Variants in SLC12A1 observed in about 807,000 individuals in gnomAD.
The protein encoded by SLC12A1 is Na-K-2Cl cotransporter.
Under a neutral mutation model 130.4 loss-of-function variants are expected in SLC12A1, and 89 were observed. The observed-to-expected ratio is 0.68, with a 90% CI of 0.58 to 0.81. The LOEUF is 0.81. Ranked by LOEUF, SLC12A1 falls within the 40% of genes least tolerant of loss-of-function variation. The pLI is 0.00. For synonymous variants in SLC12A1, 499 were observed against 460.0 expected, an observed-to-expected ratio of 1.08 and a Z score of -1.09; for missense variants, 1,310 against 1,336.4, an observed-to-expected ratio of 0.98 and a Z score of 0.31.
At chr15:48,241,015 G>A (rs1265351490) in intron 9 of SLC12A1, among the ~76,000 whole-genome samples, 2 of 151,970 alleles carry the variant, frequency 1.3e-5, no homozygotes, top group Non-Finnish European at 2.9e-5. Context: ...TTTCAAATAG[G>A]GGATTTAAGG....
At chr15:48,260,733 A>G (rs778969011) in intron 17 of SLC12A1, among the ~76,000 whole-genome samples, 13 of 152,132 alleles carry the variant, frequency 8.5e-5, no homozygotes, top group Admixed American at 7.9e-4. Context: ...TAAATCTCCA[A>G]TACCTGCCAA....
chr15:48,237,158 G>A, intron 9 of SLC12A1: 1 of 633,256 alleles, frequency 1.6e-6, no homozygotes, highest in South Asian at 1.9e-5. Context: ...TTCAGAAGAG[G>A]GGACACTCAA....
intron 14 of SLC12A1, among the ~76,000 whole-genome samples, chr15:48,250,239 T>C (rs2041631122): frequency 6.6e-6 from 1 of 152,220 alleles, no homozygotes; most frequent in South Asian, 2.1e-4. Context: ...GCTTTCATTG[T>C]CCACTACAGT....
chr15:48,254,849 G>A (rs2041688042), intron 15 of SLC12A1, among the ~76,000 whole-genome samples: 2 of 151,940 alleles, frequency 1.3e-5, no homozygotes, highest in South Asian at 4.2e-4. Context: ...GCGTGAACCC[G>A]GGATGTGGAG....
intron 5 of SLC12A1, chr15:48,226,808 C>T (rs1166771878): frequency 3.4e-6 from 2 of 591,964 alleles, no homozygotes; most frequent in Non-Finnish European, 5.9e-6. Flanking sequence ...CAGATGTGCA[C>T]CTTCCTTAGG....
At chr15:48,211,398 C>A (rs1423012679) in intron 2 of SLC12A1, among the ~76,000 whole-genome samples, 1 of 152,248 alleles carries the variant, frequency 6.6e-6, no homozygotes, top group Non-Finnish European at 1.5e-5. Context: ...GAAGTGAAAA[C>A]CTGCAATGTG....
chr15:48,230,567 T>TTCCCTCTACTCCTGCA, intron 7 of SLC12A1, 64 bp downstream of exon 7: 1 of 962,432 alleles, frequency 1.0e-6, no homozygotes, highest in Non-Finnish European at 1.6e-6. Context: ...ATTGCAGGAG[T>TTCCCTCTACTCCTGCA]AGAGGGAACT....
intron 21 of SLC12A1, among the ~76,000 whole-genome samples, chr15:48,286,810 T>C (rs914458169): frequency 1.1e-4 from 16 of 152,350 alleles, no homozygotes; most frequent in African/African-American, 3.8e-4. Context: ...GCTTGTCAAC[T>C]CTTTTGAGTT....
chr15:48,251,838 A>C, intron 15 of SLC12A1, 68 bp downstream of exon 15: 1 of 1,410,672 alleles, frequency 7.1e-7, no homozygotes, highest in Non-Finnish European at 9.9e-7. Context: ...TTAAGCATTT[A>C]TTGAGCAGCT....
chr15:48,289,459 A>G (rs188233633), intron 23 of SLC12A1, among the ~76,000 whole-genome samples: 1 of 130,922 alleles, frequency 7.6e-6, no homozygotes, highest in Non-Finnish European at 1.5e-5. Flanking sequence ...TGTATAATGT[A>G]TAATGTATAA....
At chr15:48,226,785 A>T in intron 5 of SLC12A1, 1 of 607,778 alleles carries the variant, frequency 1.6e-6, no homozygotes, top group South Asian at 2.1e-5. Context: ...GGCACATTGT[A>T]GGTTATGCCT....
chr15:48,285,101 A>C lies in SLC12A1; in HGVS notation c.2486-5A>C. On this transcript the variant is annotated splice_region_variant and splice_polypyrimidine_tract_variant and intron_variant, in intron 20 of 26. Transcript: ENST00000380993. Reference sequence around the variant, plus strand: ...TAAGTAGGTGATTTTGTCTTCTTTCATCAGAGGAATTAGAGAGATTAGAAC... The same window carrying C: ...TAAGTAGGTGATTTTGTCTTCTTTCCTCAGAGGAATTAGAGAGATTAGAAC... 1 of 1,570,034 alleles carries C rather than the reference A, an allele frequency of 6.4e-7. No homozygotes were observed. The highest frequency in any genetic ancestry group is 8.6e-7 in the Non-Finnish European group (1 of 1,159,862).
intron 5 of SLC12A1, chr15:48,228,886 T>G: frequency 4.5e-6 from 1 of 223,084 alleles, no homozygotes; most frequent in Admixed American, 5.4e-5. Flanking sequence ...ACTCCAATGA[T>G]ATTTTTATAA....
chr15:48,250,707 C>CACACACAT (rs1555383567), intron 14 of SLC12A1, among the ~76,000 whole-genome samples: 6 of 151,058 alleles, frequency 4.0e-5, no homozygotes, highest in African/African-American at 9.7e-5. Flanking sequence ...CACACACACA[C>CACACACAT]GGACGGGAAG....
chr15:48,222,392 T>C (rs1359205488), intron 4 of SLC12A1: 1 of 152,174 alleles, frequency 6.6e-6, no homozygotes, highest in African/African-American at 2.4e-5. Flanking sequence ...TTGAGTTTCT[T>C]GCAAAACTGT....
intron 17 of SLC12A1, among the ~76,000 whole-genome samples, chr15:48,260,705 A>C (rs2141078043): frequency 6.6e-6 from 1 of 152,302 alleles, no homozygotes; most frequent in Middle Eastern, 3.4e-3. Flanking sequence ...AGTACTATTG[A>C]AATCCAGCAC....
intron 17 of SLC12A1, among the ~76,000 whole-genome samples, chr15:48,266,930 A>G (rs1193775202): frequency 6.6e-6 from 1 of 152,184 alleles, no homozygotes; most frequent in Non-Finnish European, 1.5e-5. Flanking sequence ...CACTCTTCTT[A>G]GGTCATAGGT....
chr15:48,249,469 C>T (rs973924974), intron 13 of SLC12A1, 106 bp from the exon 14 acceptor site: 6 of 861,680 alleles, frequency 7.0e-6, no homozygotes, highest in Admixed American at 3.8e-5. Flanking sequence ...CAGATGCTCG[C>T]TATGTTTTCA....
At chr15:48,220,408 C>T (rs180940475) in intron 2 of SLC12A1, among the ~76,000 whole-genome samples, 7 of 152,248 alleles carry the variant, frequency 4.6e-5, no homozygotes, top group Admixed American at 1.3e-4. Flanking sequence ...ATCTCAGGTT[C>T]CCTTCACCCA....
Sources: gnomAD v4.1 joint callset for allele counts (sites outside exome capture counted in the v4.1 genomes callset) on GRCh38, gnomAD v4.1.1 for gene constraint, MANE v1.5 for transcripts, NCBI Gene and HGNC (gene_info 2026-07-23, HGNC 2026-07-21) for gene names.